GPHN: variants seen among roughly 807,000 people sequenced by gnomAD.
GPHN encodes the protein gephyrin.
GPHN carries 17 observed loss-of-function variants against 95.5 expected under a neutral mutation model. The observed-to-expected ratio is 0.18, with a 90% CI of 0.12 to 0.27. The LOEUF is 0.27. Among genes scored for constraint, GPHN ranks in the 10% least tolerant of loss-of-function variants. The pLI, the probability that GPHN is intolerant of heterozygous loss-of-function variation, is 1.00. For missense variants in GPHN, 660 were observed against 978.1 expected, an observed-to-expected ratio of 0.67 and a Z score of 4.34; for synonymous variants, 320 against 322.5, an observed-to-expected ratio of 0.99 and a Z score of 0.08.
At chr14:66,926,323 A>G (rs1007965057) in intron 8 of GPHN, among the ~76,000 whole-genome samples, 1 of 152,160 alleles carries the variant, frequency 6.6e-6, no homozygotes, top group African/African-American at 2.4e-5. Context: ...GCCCAGTCCA[A>G]TGTCCTGGAG....
chr14:67,434,624 T>C, the GPHN span, among the ~76,000 whole-genome samples: 2 of 152,042 alleles, frequency 1.3e-5, no homozygotes, highest in Non-Finnish European at 2.9e-5. Context: ...ATGAGAACAT[T>C]TGGAGGACTA....
chr14:67,303,638 G>A, the GPHN span: 5 of 1,445,056 alleles, frequency 3.5e-6, no homozygotes, highest in Admixed American at 1.7e-5. Flanking sequence ...ATGTGTTTGT[G>A]GATGCTGTTT....
At chr14:67,123,390 C>T (rs1595247041) in intron 17 of GPHN, among the ~76,000 whole-genome samples, 1 of 152,298 alleles carries the variant, frequency 6.6e-6, no homozygotes, top group East Asian at 1.9e-4. Flanking sequence ...CTAAGCTTGT[C>T]CAGGCCAGGC....
intron 4 of GPHN, among the ~76,000 whole-genome samples, chr14:66,876,646 A>G (rs1445965503): frequency 6.6e-6 from 1 of 152,214 alleles, no homozygotes; most frequent in African/African-American, 2.4e-5. Flanking sequence ...AAAATCTAGA[A>G]GAAATTGTTA....
chr14:67,222,650 T>G, the GPHN span, among the ~76,000 whole-genome samples: 1 of 152,182 alleles, frequency 6.6e-6, no homozygotes, highest in African/African-American at 2.4e-5. Context: ...TCTAAGAATC[T>G]TTAGCCTGTA....
At position 67,104,227 on chromosome 14, in the gene GPHN, A is replaced by G. The variant is rs558619873; in HGVS notation, c.1293+3316A>G. Among the ~76,000 whole-genome samples the G allele has an allele frequency of 7.9e-5, 12 of 152,308 alleles. No individual in the cohort carries two copies. In the South Asian group the frequency reaches 1.2e-3, roughly 16 times the overall value. On this transcript the variant is annotated intron_variant, in intron 13 of 22. Coordinates refer to ENST00000478722, the MANE Select transcript of GPHN (RefSeq NM_020806.5). Reference sequence around the variant, plus strand: ...TCCCCACAGTAAATCCCACTTGATCATGGTAAATGATCTTTTTAACGTGCT... The same window carrying G: ...TCCCCACAGTAAATCCCACTTGATCGTGGTAAATGATCTTTTTAACGTGCT...
the GPHN span, among the ~76,000 whole-genome samples, chr14:67,318,655 A>G: frequency 1.3e-5 from 2 of 152,200 alleles, no homozygotes; most frequent in African/African-American, 4.8e-5. Context: ...ATCATCATGA[A>G]TATTTTTAAA....
At chr14:67,026,731 C>T (rs2073945327) in intron 10 of GPHN, among the ~76,000 whole-genome samples, 1 of 152,198 alleles carries the variant, frequency 6.6e-6, no homozygotes, top group African/African-American at 2.4e-5. Context: ...CAGGCTCCGC[C>T]TCCCGGGTTC....
At chr14:66,897,065 T>G (rs905406372) in intron 5 of GPHN, among the ~76,000 whole-genome samples, 4 of 152,136 alleles carry the variant, frequency 2.6e-5, no homozygotes, top group African/African-American at 4.8e-5. Context: ...ACTTTTAAGA[T>G]GGTAATATAA....
chr14:66,599,915 T>A (rs1003430837), intron 1 of GPHN, among the ~76,000 whole-genome samples: 1 of 152,060 alleles, frequency 6.6e-6, no homozygotes, highest in African/African-American at 2.4e-5. Context: ...GTTAAAATTT[T>A]TATTTTGGTA....
intron 2 of GPHN, among the ~76,000 whole-genome samples, chr14:66,745,564 TCAC>T (rs2058111519): frequency 1.3e-5 from 2 of 152,200 alleles, no homozygotes; most frequent in East Asian, 1.9e-4. Context: ...TGATATGTCT[TCAC>T]CATTTTGTTA....
At chr14:67,714,631 A>G in the GPHN span, 1 of 164,788 alleles carries the variant, frequency 6.1e-6, no homozygotes, top group Non-Finnish European at 1.3e-5. Context: ...TTTGGCCACA[A>G]CCATGCAAAT....
At chr14:66,769,405 C>T (rs1020571400) in intron 2 of GPHN, among the ~76,000 whole-genome samples, 43 of 151,926 alleles carry the variant, frequency 2.8e-4, no homozygotes, top group African/African-American at 1.0e-3. Flanking sequence ...GTTTGTTGTA[C>T]AGATTATTTT....
At chr14:66,922,640 T>G (rs377162663) in intron 6 of GPHN, 26 bp from the exon 7 acceptor site, 20 of 1,551,284 alleles carry the variant, frequency 1.3e-5, no homozygotes, top group Non-Finnish European at 1.7e-5. Flanking sequence ...TTCATCTTAA[T>G]TTTTTTTTCT....
the GPHN span, chr14:67,569,607 C>T: frequency 2.2e-6 from 1 of 464,178 alleles, no homozygotes. Context: ...ACAACGAGGG[C>T]TGTGGGGTGG....
the GPHN span, among the ~76,000 whole-genome samples, chr14:67,284,547 TAAAAAAAAAAAAAAAAAAAAAAAAAAAA>T: frequency 2.6e-4 from 6 of 23,310 alleles, no homozygotes; most frequent in South Asian, 3.9e-3. Context: ...GCTGCAGTGC[TAAAAAAAAAAAAAAAAAAAAAAAAAAAA>T]AAAAAAAAAA....
chr14:66,932,470 T>G lies in GPHN; in HGVS notation c.828+8178T>G, dbSNP rs966502719. Among the ~76,000 whole-genome samples the G allele has an allele frequency of 2.7e-3, 372 of 137,580 alleles. 6 individuals carry two copies. Among genetic ancestry groups the G allele is most frequent in the Non-Finnish European group, 3.9e-3 (249 of 64,236 alleles). The allele number at this position is 137,580 out of a possible 152,430, so 90.3% of individuals were successfully genotyped here. A position where few individuals can be genotyped will look rare whatever the true frequency, so the allele number is the denominator to read the frequency against. Reference sequence around the variant, plus strand: ...TTTTTTTTTTTTTTTTTTTTTTTTTTTTTTTTTTTTCAGTGCAGCAGGTCC... The same window carrying G: ...TTTTTTTTTTTTTTTTTTTTTTTTTGTTTTTTTTTTCAGTGCAGCAGGTCC... On this transcript the variant is annotated intron_variant, in intron 8 of 22. Transcript: ENST00000478722.
chr14:67,166,890 A>G (rs1419840400), intron 20 of GPHN, among the ~76,000 whole-genome samples: 1 of 152,034 alleles, frequency 6.6e-6, no homozygotes, highest in Non-Finnish European at 1.5e-5. Context: ...GGCTGGTCTC[A>G]ACTTCTGAGC....
At chr14:67,013,985 G>A (rs930681011) in intron 9 of GPHN, among the ~76,000 whole-genome samples, 18 of 151,450 alleles carry the variant, frequency 1.2e-4, no homozygotes, top group African/African-American at 3.9e-4. Context: ...CTATTCCTTG[G>A]CCTCTATTTT....
Sources: gnomAD v4.1 joint callset for allele counts (sites outside exome capture counted in the v4.1 genomes callset) on GRCh38, gnomAD v4.1.1 for gene constraint, MANE v1.5 for transcripts, NCBI Gene and HGNC (gene_info 2026-07-23, HGNC 2026-07-21) for gene names.